Variants in PRKG1 observed in about 807,000 individuals in gnomAD.
PRKG1 encodes the protein protein kinase cGMP-dependent 1, also known as cGMP-dependent protein kinase 1.
PRKG1 carries 35 observed loss-of-function variants against 88.1 expected under a neutral mutation model. The ratio of observed to expected loss-of-function variants is 0.40; its 90% confidence interval spans 0.30 to 0.53. PRKG1 has a LOEUF of 0.53. Among genes scored for constraint, PRKG1 ranks in the 20% least tolerant of loss-of-function variants. The probability of loss-of-function intolerance (pLI) is 0.59; values close to 1 mark genes in which losing one functional copy is unlikely to be tolerated. For missense variants in PRKG1, 540 were observed against 839.8 expected, an observed-to-expected ratio of 0.64 and a Z score of 4.41; for synonymous variants, 303 against 292.5, an observed-to-expected ratio of 1.04 and a Z score of -0.37.
At chr10:52,207,549 G>A (rs139660138) in intron 9 of PRKG1, among the ~76,000 whole-genome samples, 2,110 of 152,190 alleles carry the variant, frequency 0.014, 54 homozygotes, top group African/African-American at 0.047. Flanking sequence ...GGTGATAAGC[G>A]TCCCTGGCTG....
At chr10:51,888,980 T>G (rs1278186294) in intron 4 of PRKG1, among the ~76,000 whole-genome samples, 3 of 152,172 alleles carry the variant, frequency 2.0e-5, no homozygotes, top group Admixed American at 2.0e-4. Flanking sequence ...TAAAATTTAC[T>G]TTCTTTATAT....
intron 2 of PRKG1, among the ~76,000 whole-genome samples, chr10:51,231,429 A>G (rs937736014): frequency 2.6e-5 from 4 of 152,152 alleles, no homozygotes; most frequent in African/African-American, 9.7e-5. Context: ...TTTCAGTCTC[A>G]TGGCTGTCCC....
intron 2 of PRKG1, among the ~76,000 whole-genome samples, chr10:51,196,972 C>T (rs1837784220): frequency 6.6e-6 from 1 of 152,108 alleles, no homozygotes; most frequent in African/African-American, 2.4e-5. Flanking sequence ...CTCAACCTGT[C>T]TTGACTTTGG....
chr10:52,062,189 A>G (rs1330146844), intron 6 of PRKG1, among the ~76,000 whole-genome samples: 1 of 152,174 alleles, frequency 6.6e-6, no homozygotes, highest in Non-Finnish European at 1.5e-5. Flanking sequence ...ATTCATGTAC[A>G]TAAACACATC....
intron 8 of PRKG1, among the ~76,000 whole-genome samples, chr10:52,158,715 C>T (rs1838192521): frequency 6.6e-6 from 1 of 151,514 alleles, no homozygotes; most frequent in Admixed American, 6.6e-5. Context: ...TTTAACGTTT[C>T]AGAAAATGTA....
At chr10:51,701,870 T>C (rs1841477581) in intron 3 of PRKG1, among the ~76,000 whole-genome samples, 1 of 152,184 alleles carries the variant, frequency 6.6e-6, no homozygotes, top group Non-Finnish European at 1.5e-5. Flanking sequence ...AGAACCACCT[T>C]GAGCCATGGC....
chr10:51,130,443 C>A (rs897086452), intron 1 of PRKG1, among the ~76,000 whole-genome samples: 2 of 152,148 alleles, frequency 1.3e-5, no homozygotes, highest in African/African-American at 4.8e-5. Flanking sequence ...CTCGGCTCCT[C>A]CATCTCTCTT....
chr10:51,275,367 C>CA (rs1840087300), intron 2 of PRKG1, among the ~76,000 whole-genome samples: 1 of 152,092 alleles, frequency 6.6e-6, no homozygotes, highest in Admixed American at 6.6e-5. Context: ...GTTCATAAAA[C>CA]TTTTTTCTAT....
intron 3 of PRKG1, among the ~76,000 whole-genome samples, chr10:51,471,714 C>T (rs1437408859): frequency 6.6e-6 from 1 of 151,778 alleles, no homozygotes; most frequent in Non-Finnish European, 1.5e-5. Flanking sequence ...AAATTGAAGC[C>T]CTACTTCTCT....
intron 3 of PRKG1, among the ~76,000 whole-genome samples, chr10:51,608,193 A>G (rs776029809): frequency 7.9e-5 from 12 of 152,136 alleles, no homozygotes; most frequent in Admixed American, 1.3e-4. Flanking sequence ...CTATAACCGT[A>G]ATAGGTTTGT....
chr10:51,672,749 A>T lies in PRKG1; in HGVS notation c.593-131836A>T, dbSNP rs575188495. ...AGATATCTTCACTTGAGTTATTCAG[A>T]TTCACACAGGTAGTAAAAATTAAAA... On this transcript the variant is annotated intron_variant, in intron 3 of 17. Coordinates refer to ENST00000373980, the MANE Select transcript of PRKG1 (RefSeq NM_006258.4). Among the ~76,000 whole-genome samples the T allele has an allele frequency of 5.3e-5, 8 of 152,346 alleles. No individual in the cohort carries two copies. In the East Asian group the frequency reaches 1.5e-3, roughly 29 times the overall value.
At chr10:51,592,272 C>G (rs1838331168) in intron 3 of PRKG1, among the ~76,000 whole-genome samples, 1 of 152,176 alleles carries the variant, frequency 6.6e-6, no homozygotes, top group Admixed American at 6.5e-5. Flanking sequence ...AGCCTCCAGA[C>G]CATTGCCTTT....
chr10:51,742,525 T>G (rs1302753822), intron 3 of PRKG1, among the ~76,000 whole-genome samples: 1 of 151,990 alleles, frequency 6.6e-6, no homozygotes, highest in East Asian at 1.9e-4. Context: ...TGGATGCAGG[T>G]GGTATGAAAG....
chr10:51,292,919 A>C (rs767948339), intron 2 of PRKG1, among the ~76,000 whole-genome samples: 16 of 151,892 alleles, frequency 1.1e-4, no homozygotes, highest in Non-Finnish European at 1.5e-4. Flanking sequence ...ATTCTTATTT[A>C]TTTCTCTAAT....
chr10:52,033,285 C>T (rs1310599241), intron 5 of PRKG1, among the ~76,000 whole-genome samples: 3 of 152,118 alleles, frequency 2.0e-5, no homozygotes, highest in Admixed American at 1.3e-4. Flanking sequence ...AGAAGTGGCA[C>T]ATCTAAATGC....
intron 3 of PRKG1, among the ~76,000 whole-genome samples, chr10:51,756,682 G>T (rs1837874130): frequency 6.6e-6 from 1 of 151,686 alleles, no homozygotes; most frequent in Non-Finnish European, 1.5e-5. Flanking sequence ...AGGCATGGTG[G>T]GGGGCACCTG....
At chr10:51,378,435 T>C (rs1842857470) in intron 2 of PRKG1, among the ~76,000 whole-genome samples, 1 of 152,192 alleles carries the variant, frequency 6.6e-6, no homozygotes, top group Non-Finnish European at 1.5e-5. Flanking sequence ...GTACAAGGGA[T>C]CTGTAGACCT....
chr10:51,422,280 A>G (rs1252561037), intron 2 of PRKG1, among the ~76,000 whole-genome samples: 1 of 152,216 alleles, frequency 6.6e-6, no homozygotes, highest in Admixed American at 6.5e-5. Flanking sequence ...CAAACTCTGT[A>G]GTTAGGAAAG....
chr10:51,092,433 T>A (rs1844421378), intron 1 of PRKG1, among the ~76,000 whole-genome samples: 1 of 152,144 alleles, frequency 6.6e-6, no homozygotes, highest in Non-Finnish European at 1.5e-5. Flanking sequence ...GAAGACGAAA[T>A]GGTCTCTAAA....
Sources: allele counts gnomAD v4.1 joint callset (sites outside exome capture counted in the v4.1 genomes callset), GRCh38; gene constraint gnomAD v4.1.1; transcripts MANE v1.5; gene names NCBI Gene and HGNC (gene_info 2026-07-23, HGNC 2026-07-21).